Variants in THNSL1 observed in about 807,000 individuals in gnomAD.
The protein encoded by THNSL1 is threonine synthase like 1, also known as threonine synthase-like 1.
THNSL1 carries 48 observed loss-of-function variants against 50.4 expected under a neutral mutation model. The observed-to-expected ratio is 0.95, with a 90% CI of 0.76 to 1.21. THNSL1 has a LOEUF of 1.21. THNSL1 is among the 50% of genes most tolerant of loss of function. The pLI is 0.00. For synonymous variants in THNSL1, 309 were observed against 306.1 expected, an observed-to-expected ratio of 1.01 and a Z score of -0.10; for missense variants, 896 against 871.7, an observed-to-expected ratio of 1.03 and a Z score of -0.35.
the THNSL1 span, among the ~76,000 whole-genome samples, chr10:24,967,606 C>G: frequency 6.6e-6 from 1 of 151,942 alleles, no homozygotes; most frequent in Non-Finnish European, 1.5e-5. Flanking sequence ...TCCTTTATGC[C>G]TTTGATGACC....
At chr10:24,973,736 T>C in the THNSL1 span, among the ~76,000 whole-genome samples, 28 of 152,222 alleles carry the variant, frequency 1.8e-4, no homozygotes, top group African/African-American at 5.8e-4. Context: ...TTTTTTTCCT[T>C]TGATTTAAGA....
At chr10:24,982,778 A>G in the THNSL1 span, 1 of 152,232 alleles carries the variant, frequency 6.6e-6, no homozygotes, top group African/African-American at 2.4e-5. Flanking sequence ...GCTCTGTGAA[A>G]GAAAGGCAAC....
rs546013019 is a variant in THNSL1, at chr10:25,023,704, C to G, written c.481C>G (p.Leu161Val). The change falls in exon 3 of 3, where the codon CTA becomes GTA. Residue 161 changes from leucine (L) to valine (V), a missense_variant. By Grantham distance (32) the Leu-to-Val change is conservative. Transcript: ENST00000376356. ...IVYLDVPLLDLICRLKLMKTD... is the reference protein window; with the variant it reads ...IVYLDVPLLDVICRLKLMKTD... ...ATACCTGGATGTACCTCTACTAGAT[C>G]TAATTTGTCGTCTAAAATTAATGAA... 115 of 1,613,924 alleles carry G rather than the reference C, an allele frequency of 7.1e-5. 1 individual carries two copies. In the South Asian group the frequency reaches 1.1e-3, roughly 15 times the overall value.
At chr10:24,999,664 G>T in the THNSL1 span, 2 of 944,970 alleles carry the variant, frequency 2.1e-6, no homozygotes, top group Non-Finnish European at 3.1e-6. Flanking sequence ...GTATGGAAAA[G>T]CATAATCATA....
chr10:24,952,500 A>T, the THNSL1 span: 1 of 1,572,434 alleles, frequency 6.4e-7, no homozygotes, highest in African/African-American at 1.3e-5. This position sits in a 1 kb window ranked among gnomAD's most constrained non-coding sequence, Gnocchi z 5.1. Flanking sequence ...GAGCGGGCCG[A>T]GCCCCAAAAT....
the THNSL1 span, among the ~76,000 whole-genome samples, chr10:24,965,057 T>C: frequency 1.4e-5 from 2 of 142,494 alleles, no homozygotes; most frequent in Non-Finnish European, 3.0e-5. Context: ...CGAAATCCTA[T>C]CTCAAAAAAA....
At chr10:25,020,740 CAAA>C (rs36007062) in intron 1 of THNSL1, among the ~76,000 whole-genome samples, 21 of 133,980 alleles carry the variant, frequency 1.6e-4, no homozygotes, top group Admixed American at 2.2e-4. Flanking sequence ...GACCCTTTCT[CAAA>C]AAAAAAAAAA....
At chr10:24,984,566 G>T in the THNSL1 span, 6 of 1,026,526 alleles carry the variant, frequency 5.8e-6, no homozygotes, top group Non-Finnish European at 8.2e-6. Flanking sequence ...ATTTCTTCTT[G>T]TGTAAGTGAA....
the THNSL1 span, among the ~76,000 whole-genome samples, chr10:24,955,178 A>G: frequency 6.6e-6 from 1 of 152,164 alleles, no homozygotes; most frequent in African/African-American, 2.4e-5. Flanking sequence ...GTAGTGCCAC[A>G]TACTTTTAAA....
chr10:24,984,657 A>G, the THNSL1 span: 1 of 1,366,734 alleles, frequency 7.3e-7, no homozygotes, highest in Admixed American at 2.7e-5. Flanking sequence ...TTCCTTTTTG[A>G]AAAACTTGGA....
At chr10:24,954,152 C>A in the THNSL1 span, among the ~76,000 whole-genome samples, 7 of 152,146 alleles carry the variant, frequency 4.6e-5, no homozygotes, top group Non-Finnish European at 8.8e-5. Context: ...CAAGCAACAT[C>A]ATTAAAATTT....
At position 25,023,484 on chromosome 10, in the gene THNSL1, T is replaced by C; in HGVS notation, c.261T>C (p.Asp87=). Residue 87 remains aspartate (D), a synonymous_variant, in exon 3 of 3, where the codon GAT becomes GAC. Coordinates refer to ENST00000376356, the MANE Select transcript of THNSL1 (RefSeq NM_024838.5). ...TAGGTTGTTGTGTCATAGATGTGGA[T>C]GATGATATCCTTGAAAAAACCTGGA... is the stretch of plus-strand genomic sequence containing the variant. ...QKLGCCVIDV[D]DDILEKTWNM... 1 of 1,614,132 alleles carries C rather than the reference T, an allele frequency of 6.2e-7. No homozygotes were observed. Among genetic ancestry groups the C allele is most frequent in the Non-Finnish European group, 8.5e-7 (1 of 1,180,014 alleles).
the THNSL1 span, among the ~76,000 whole-genome samples, chr10:24,967,179 T>TGTGTGC: frequency 1.3e-5 from 2 of 152,020 alleles, no homozygotes; most frequent in Non-Finnish European, 2.9e-5. Flanking sequence ...TGTGTATGTG[T>TGTGTGC]GTGTGCGTGT....
At chr10:24,954,908 A>T in the THNSL1 span, among the ~76,000 whole-genome samples, 1 of 152,206 alleles carries the variant, frequency 6.6e-6, no homozygotes, top group Non-Finnish European at 1.5e-5. Flanking sequence ...ATCTTGCATT[A>T]TGAGGATTTA....
chr10:24,958,173 C>T, the THNSL1 span, among the ~76,000 whole-genome samples: 1 of 147,546 alleles, frequency 6.8e-6, no homozygotes, highest in Admixed American at 6.9e-5. Context: ...CTTTCTGAGT[C>T]TTGAAACATG....
the THNSL1 span, among the ~76,000 whole-genome samples, chr10:24,959,061 G>A: frequency 6.6e-6 from 1 of 152,162 alleles, no homozygotes; most frequent in Non-Finnish European, 1.5e-5. Flanking sequence ...ATACTCTGTG[G>A]TTATGAACAA....
chr10:25,006,919 C>T, the THNSL1 span, among the ~76,000 whole-genome samples: 1 of 152,142 alleles, frequency 6.6e-6, no homozygotes, highest in South Asian at 2.1e-4. Context: ...ACTACTTATC[C>T]CATAGGATTC....
In THNSL1 at chr10:25,025,614, A is replaced by T. The variant is rs1850835092; in HGVS notation, c.*159A>T. On this transcript the variant is annotated 3_prime_UTR_variant, in exon 3 of 3. Transcript: ENST00000376356. Reference sequence around the variant, plus strand: ...TCTCTAGGGCTGACATGAGAACTCCATGTCACCTCCTCAGATCTTTAATCT... The same window carrying T: ...TCTCTAGGGCTGACATGAGAACTCCTTGTCACCTCCTCAGATCTTTAATCT... 1.5e-6 allele frequency: 1 copy of T among 661,692 alleles called. No individual in the cohort carries two copies. Among genetic ancestry groups the T allele is most frequent in the African/African-American group, 1.8e-5 (1 of 54,870 alleles). The allele number at this position is 661,692 out of a possible 1,614,324, so 41.0% of individuals were successfully genotyped here. A position where few individuals can be genotyped will look rare whatever the true frequency, so the allele number is the denominator to read the frequency against.
At chr10:24,990,677 A>T in the THNSL1 span, 1 of 1,416,838 alleles carries the variant, frequency 7.1e-7, no homozygotes, top group Non-Finnish European at 9.6e-7. Flanking sequence ...GTACGTATCA[A>T]CTGATGATGG....
Sources: gnomAD v4.1 joint callset for allele counts (sites outside exome capture counted in the v4.1 genomes callset) on GRCh38, gnomAD v4.1.1 for gene constraint, Gnocchi (gnomAD v3.1) non-coding constraint, MANE v1.5 for transcripts, NCBI Gene and HGNC (gene_info 2026-07-23, HGNC 2026-07-21) for gene names.